Variants in FADS6 observed in about 807,000 individuals in gnomAD.
The protein encoded by FADS6 is fatty acid desaturase domain family, member 6.
FADS6 carries 28 observed loss-of-function variants against 31.7 expected under a neutral mutation model. The ratio of observed to expected loss-of-function variants is 0.88; its 90% CI spans 0.66 to 1.21. The LOEUF (loss-of-function observed/expected upper bound fraction) is 1.21, where lower values mean the gene tolerates loss of function less well. FADS6 is among the 50% of genes most tolerant of loss of function. FADS6 has a pLI of 0.00. For synonymous variants in FADS6, 191 were observed against 213.1 expected (o/e 0.90, Z 0.90); for missense variants, 494 against 504.2 (o/e 0.98, Z 0.19).
chr17:74,875,080 C>G (rs1275966156), downstream of FADS6, among the ~76,000 whole-genome samples: 1 of 152,170 alleles, frequency 6.6e-6, no homozygotes, highest in Non-Finnish European at 1.5e-5. Flanking sequence ...GTAGGGCTCC[C>G]CATCTAGAGG....
chr17:74,887,944 C>T (rs1027921179), intron 2 of FADS6, among the ~76,000 whole-genome samples: 11 of 152,162 alleles, frequency 7.2e-5, no homozygotes, highest in African/African-American at 2.7e-4. Flanking sequence ...CCTCGGCCTC[C>T]CAAAGTGCTG....
At chr17:74,888,144 ACACACACACACGCGCGCGCGCGCG>A (rs1326458428) in intron 2 of FADS6, among the ~76,000 whole-genome samples, 5 of 113,824 alleles carry the variant, frequency 4.4e-5, no homozygotes, top group African/African-American at 1.4e-4. Flanking sequence ...ACACACACAC[ACACACACACACGCGCGCGCGCGCG>A]CGCGCAGAGT....
rs1567923205 is a variant in FADS6 at position 74,877,310 on chromosome 17, T to G, written c.*1021A>C. ...TTCAAAGTTATTTATTCTTTTTTTTTTTTTTGAACGGGAGTCTTATTTTTT... is the reference window on the plus strand; with the variant it reads ...TTCAAAGTTATTTATTCTTTTTTTTGTTTTTGAACGGGAGTCTTATTTTTT... On this transcript the variant is annotated 3_prime_UTR_variant, in exon 6 of 6. Coordinates refer to ENST00000612771, the MANE Select transcript of FADS6 (RefSeq NM_178128.6). 1 of 152,106 alleles carries G rather than the reference T, an allele frequency of 6.6e-6. No homozygotes were observed. The highest frequency in any genetic ancestry group is 1.5e-5 in the Non-Finnish European group (1 of 68,046). The allele number at this position is 152,106 out of a possible 1,614,324, so 9.4% of individuals were successfully genotyped here.
rs1182511146 is a variant in FADS6 at position 74,893,489 on chromosome 17, C to A, written c.107G>T (p.Ser36Ile). 6.6e-7 allele frequency: 1 copy of A among 1,511,064 alleles called. No individual in the cohort carries two copies. The highest frequency in any genetic ancestry group is 1.7e-5 in the African/African-American group (1 of 57,942). 93.6% of individuals were successfully genotyped at this position (1,511,064 alleles called of 1,614,324 possible). Residue 36 changes from serine (S) to isoleucine (I), a missense_variant, in exon 1 of 6, where the codon AGC (serine) becomes ATC (isoleucine). By Grantham distance (142) the Ser-to-Ile change is moderately radical (BLOSUM62 -2). Around this residue, in one of 2 missense-constraint regions of FADS6, gnomAD observed 40 missense variants for 65.7 expected, o/e 0.61. Transcript: ENST00000612771. ...EPTEPMEPARSAHRGGEALLR... is the reference protein window; with the variant it reads ...EPTEPMEPARIAHRGGEALLR... Reference sequence around the variant, plus strand: ...CAGCGCCTCGCCCCCACGGTGCGCGCTCCGCGCCGGTTCCATGGGCTCCGT... The same window carrying A: ...CAGCGCCTCGCCCCCACGGTGCGCGATCCGCGCCGGTTCCATGGGCTCCGT...
At chr17:74,875,499 G>T (rs867401186), downstream of FADS6, among the ~76,000 whole-genome samples, 7 of 152,094 alleles carry the variant, frequency 4.6e-5, no homozygotes, top group Non-Finnish European at 1.0e-4. Flanking sequence ...CAAAGCAATC[G>T]AGTGACTTGT....
intron 4 of FADS6, among the ~76,000 whole-genome samples, chr17:74,880,156 A>G (rs2038552465): frequency 6.6e-6 from 1 of 152,166 alleles, no homozygotes; most frequent in Admixed American, 6.6e-5. Flanking sequence ...TTCCCTGGGC[A>G]GGGAGCAGGG....
intron 3 of FADS6, among the ~76,000 whole-genome samples, chr17:74,881,926 G>A (rs2038574114): frequency 6.6e-6 from 1 of 151,550 alleles, no homozygotes; most frequent in Non-Finnish European, 1.5e-5. Flanking sequence ...ATTTGTGCAA[G>A]GCATCTGCAA....
Position 74,893,201 on chromosome 17 carries a change from G to A in FADS6, c.244+151C>T, listed in dbSNP as rs548230588. 189 of 882,106 alleles carry A rather than the reference G, an allele frequency of 2.1e-4. 1 individual carries two copies. In the South Asian group the frequency reaches 3.5e-3, roughly 16 times the overall value. 54.6% of individuals were successfully genotyped at this position (882,106 alleles called of 1,614,324 possible). ...TGTGACCCTCCATCCTTGGGTGCGGGGCCCCGACCACCTCCGCCTCCCTGC... is the reference window on the plus strand; with the variant it reads ...TGTGACCCTCCATCCTTGGGTGCGGAGCCCCGACCACCTCCGCCTCCCTGC... On this transcript the variant is annotated intron_variant, in intron 1 of 5. Transcript: ENST00000612771.
At chr17:74,892,235 C>G (rs690616) in intron 2 of FADS6, among the ~76,000 whole-genome samples, 15,234 of 152,242 alleles carry the variant, frequency 0.1, 1,246 homozygotes, top group African/African-American at 0.22. Flanking sequence ...ATTTTAAACC[C>G]TGACTGCAAA....
Position 74,892,588 on chromosome 17 carries a change from C to T in FADS6, c.346G>A (p.Ala116Thr). The T allele has an allele frequency of 6.2e-7, 1 of 1,613,426 alleles. No individual in the cohort carries two copies. Among genetic ancestry groups the T allele is most frequent in the Non-Finnish European group, 8.5e-7 (1 of 1,179,654 alleles). ...GACTCGGTGAGGGCCCCATGAGTGG[C>T]CAGGTGGCTGCCCTTGACAGTGAGT... Reference protein sequence around the residue: ...YTLTVKGSHLATHGALTESKR... With the variant: ...YTLTVKGSHLTTHGALTESKR... The change falls in exon 2 of 6, where the codon GCC becomes ACC. Residue 116 changes from alanine to threonine, a missense_variant. Ala to Thr is a moderately conservative substitution (Grantham distance 58, BLOSUM62 0). This residue lies in a region of FADS6 where 454 missense variants were observed against 438.5 expected (regional missense o/e 1.04). Transcript: ENST00000612771.
rs2038585481 is a variant in FADS6, at chr17:74,882,719, G to A, written c.412-9C>T. 2 of 1,605,358 alleles carry A rather than the reference G, an allele frequency of 1.2e-6. No individual in the cohort carries two copies. Among genetic ancestry groups the A allele is most frequent in the East Asian group, 2.2e-5 (1 of 44,654 alleles). On this transcript the variant is annotated splice_polypyrimidine_tract_variant and intron_variant, in intron 2 of 5. Coordinates refer to ENST00000612771, the MANE Select transcript of FADS6 (RefSeq NM_178128.6). The stretch of plus-strand genomic sequence containing the variant: ...GTGAAGGCTGTGCACACCTAGAGGA[G>A]GGAACCAGAAATGACACTGGGGTCC...
chr17:74,881,046 C>G, intron 4 of FADS6, 22 bp downstream of exon 4: 1 of 1,603,826 alleles, frequency 6.2e-7, no homozygotes, highest in Non-Finnish European at 8.5e-7. Flanking sequence ...CTGCCCAGCG[C>G]CCCAGGTTGG....
In FADS6 at chr17:74,878,408, G is replaced by A. The variant is rs533967938; in HGVS notation, c.1030C>T (p.Arg344Cys). ...LPYNEDSYLA[R>C]FQLFLRRYEE... is the part of the protein sequence containing the mutation. ...TAGCGACGGAGAAACAGCTGGAAGC[G>A]AGCCAGGTATGAGTCCTCGTTGTAC... Residue 344 changes from arginine to cysteine, a missense_variant, in exon 6 of 6, where the codon CGC (arginine) becomes TGC (cysteine). By Grantham distance (180) the Arg-to-Cys change is radical (BLOSUM62 -3). This residue lies in a region of FADS6 where 454 missense variants were observed against 438.5 expected (regional missense o/e 1.04). Transcript: ENST00000612771. 5.0e-6 allele frequency: 8 copies of A among 1,614,042 alleles called. No homozygotes were observed. In the East Asian group the frequency reaches 6.7e-5, roughly 13 times the overall value.
chr17:74,890,174 T>C (rs1458073155), intron 2 of FADS6, among the ~76,000 whole-genome samples: 2 of 152,166 alleles, frequency 1.3e-5, no homozygotes, highest in African/African-American at 4.8e-5. Flanking sequence ...CAAAGGCTGG[T>C]CTTGAACTCC....
intron 2 of FADS6, among the ~76,000 whole-genome samples, chr17:74,888,152 ACACGCGCGCG>A (rs1340233942): frequency 1.9e-4 from 23 of 124,320 alleles, no homozygotes; most frequent in South Asian, 1.4e-3. Context: ...ACACACACAC[ACACGCGCGCG>A]CGCGCGCGCG....
At chr17:74,891,941 G>A (rs552954501) in intron 2 of FADS6, among the ~76,000 whole-genome samples, 1 of 152,310 alleles carries the variant, frequency 6.6e-6, no homozygotes, top group South Asian at 2.1e-4. Flanking sequence ...GAACTGGGGA[G>A]GCCTGGAGAC....
In FADS6 at chr17:74,892,829, C is replaced by T. The variant is rs184355464; in HGVS notation, c.245-140G>A. On this transcript the variant is annotated intron_variant, in intron 1 of 5. Coordinates refer to ENST00000612771, the MANE Select transcript of FADS6 (RefSeq NM_178128.6). ...TGCCACTGGCCGGAGTGAGGCAGGT[C>T]CCACTGTGGCCTGAGGGGAACCAGG... The T allele has an allele frequency of 1.1e-4, 89 of 807,130 alleles. 2 individuals carry two copies. In the African/African-American group the frequency reaches 1.4e-3, roughly 13 times the overall value. The allele number at this position is 807,130 out of a possible 1,614,324, so 50.0% of individuals were successfully genotyped here.
chr17:74,876,515 G>A (rs2038509258), downstream of FADS6, among the ~76,000 whole-genome samples: 1 of 152,094 alleles, frequency 6.6e-6, no homozygotes, highest in Admixed American at 6.5e-5. Flanking sequence ...TGTCAGTAGT[G>A]ACTGGGCATG....
chr17:74,888,146 A>ACGCGCGCGCGCG (rs1178449874), intron 2 of FADS6, among the ~76,000 whole-genome samples: 1 of 113,596 alleles, frequency 8.8e-6, no homozygotes, highest in African/African-American at 4.0e-5. Context: ...ACACACACAC[A>ACGCGCGCGCGCG]CACACACACG....
Sources: allele counts gnomAD v4.1 joint callset (sites outside exome capture counted in the v4.1 genomes callset), GRCh38; gene constraint gnomAD v4.1.1; regional missense constraint gnomAD v4.1.1; transcripts MANE v1.5; gene names NCBI Gene and HGNC (gene_info 2026-07-23, HGNC 2026-07-21).